The following GRM7 variants were observed in gnomAD, a reference collection of about 807,000 sequenced individuals.
GRM7 encodes metabotropic glutamate receptor 7.
A neutral mutation model predicts 84.5 loss-of-function variants in GRM7; 35 were observed. The ratio of observed to expected loss-of-function variants is 0.41; its 90% CI spans 0.32 to 0.55. The LOEUF is 0.55. Ranked by LOEUF, GRM7 falls within the 20% of genes least tolerant of loss-of-function variation. The pLI is 0.19. For missense variants in GRM7, 1,003 were observed against 1,194.6 expected, an observed-to-expected ratio of 0.84 and a Z score of 2.36; for synonymous variants, 487 against 455.1, an observed-to-expected ratio of 1.07 and a Z score of -0.89.
At chr3:7,233,825 A>G (rs1187403240) in intron 2 of GRM7, among the ~76,000 whole-genome samples, 1 of 152,160 alleles carries the variant, frequency 6.6e-6, no homozygotes, top group East Asian at 1.9e-4. Flanking sequence ...TAGGCTGGAA[A>G]AGAGGACTGA....
At chr3:7,336,149 A>C (rs982699477) in intron 4 of GRM7, among the ~76,000 whole-genome samples, 23 of 152,140 alleles carry the variant, frequency 1.5e-4, no homozygotes, top group African/African-American at 5.5e-4. Context: ...TCTCAACAAA[A>C]TACTTGTGAA....
At chr3:6,969,811 C>G (rs994661580) in intron 1 of GRM7, among the ~76,000 whole-genome samples, 4 of 152,182 alleles carry the variant, frequency 2.6e-5, no homozygotes, top group African/African-American at 9.7e-5. Context: ...TACAGGGAAT[C>G]TCCATCCCCA....
chr3:7,276,467 A>T (rs1188332782), intron 2 of GRM7, among the ~76,000 whole-genome samples: 1 of 151,956 alleles, frequency 6.6e-6, no homozygotes, highest in Non-Finnish European at 1.5e-5. Context: ...GAACTCTGTA[A>T]GGTACAAATT....
At chr3:7,635,993 G>A (rs921468367) in intron 8 of GRM7, among the ~76,000 whole-genome samples, 5 of 152,106 alleles carry the variant, frequency 3.3e-5, no homozygotes, top group African/African-American at 1.2e-4. Context: ...ATCTTTACAA[G>A]CTAATTTACT....
chr3:7,274,881 G>C (rs944701773), intron 2 of GRM7, among the ~76,000 whole-genome samples: 4 of 151,926 alleles, frequency 2.6e-5, no homozygotes, highest in African/African-American at 9.7e-5. Flanking sequence ...AATATTTCTT[G>C]TGTTCCTGTT....
At chr3:7,483,602 C>A (rs1699213346) in intron 7 of GRM7, among the ~76,000 whole-genome samples, 1 of 152,088 alleles carries the variant, frequency 6.6e-6, no homozygotes, top group South Asian at 2.1e-4. Context: ...ATTAAAAGGA[C>A]AATAGAAAGC....
intron 2 of GRM7, among the ~76,000 whole-genome samples, chr3:7,181,985 CT>C (rs773452803): frequency 1.3e-5 from 2 of 152,134 alleles, no homozygotes; most frequent in African/African-American, 2.4e-5. Context: ...ATAATTAAAT[CT>C]AATTAACAAT....
rs369236116 is a variant in GRM7, at chr3:6,916,400, C to G, written c.519+54493C>G. 5.3e-5 allele frequency among the ~76,000 whole-genome samples: 8 copies of G among 152,204 alleles called. 1 individual carries two copies. Among genetic ancestry groups the G allele is most frequent in the Admixed American group, 4.6e-4 (7 of 15,272 alleles). On this transcript the variant is annotated intron_variant, in intron 1 of 9. Transcript: ENST00000357716. Reference sequence around the variant, plus strand: ...TTTCTAAGTGCTATTTGAACTGAGACCAGAGGAATGCATTAAGCAAGTAGT... The same window carrying G: ...TTTCTAAGTGCTATTTGAACTGAGAGCAGAGGAATGCATTAAGCAAGTAGT...
intron 1 of GRM7, among the ~76,000 whole-genome samples, chr3:7,128,355 A>G (rs1693472390): frequency 6.6e-6 from 1 of 151,828 alleles, no homozygotes; most frequent in Non-Finnish European, 1.5e-5. Flanking sequence ...TGAAAACCAG[A>G]CACCTAATAC....
chr3:7,146,640 GT>G lies in GRM7; in HGVS notation c.709del (p.Ser237ProfsTer18). The G allele has an allele frequency of 1.2e-6, 2 of 1,613,496 alleles. No individual in the cohort carries two copies. Among genetic ancestry groups the G allele is most frequent in the Non-Finnish European group, 1.7e-6 (2 of 1,179,824 alleles). On this transcript the variant is annotated frameshift_variant, in exon 2 of 10. Transcript: ENST00000357716. LOFTEE classifies it high-confidence loss of function. Reference sequence around the variant, plus strand: ...GAAGTTATGGAGAGAAAGGTGTGGAGTCCTTCACGCAGATTTCCAAAGAGGC... The same window carrying G: ...GAAGTTATGGAGAGAAAGGTGTGGAGCCTTCACGCAGATTTCCAAAGAGGC... The part of the protein sequence containing the change: ...EGSYGEKGVE[S>X]FTQISKEAGG...
intron 5 of GRM7, among the ~76,000 whole-genome samples, chr3:7,446,851 CT>C (rs1697538205): frequency 6.6e-6 from 1 of 152,028 alleles, no homozygotes; most frequent in South Asian, 2.1e-4. Context: ...TACATTTTAA[CT>C]AAGGCATATA....
intron 2 of GRM7, among the ~76,000 whole-genome samples, chr3:7,259,951 C>CTTTTTTTTTTTTTTTTTT (rs1559534237): frequency 6.7e-4 from 9 of 13,400 alleles, no homozygotes; most frequent in African/African-American, 2.8e-3. Context: ...TTACCAGCAT[C>CTTTTTTTTTTTTTTTTTT]TGTTTTTTTT....
chr3:7,328,152 AT>A (rs1284289409), intron 4 of GRM7, among the ~76,000 whole-genome samples: 1 of 152,296 alleles, frequency 6.6e-6, no homozygotes, highest in African/African-American at 2.4e-5. Context: ...ATTAGCAAAG[AT>A]TTTTCCCATG....
chr3:7,563,208 A>G (rs565428961), intron 7 of GRM7, among the ~76,000 whole-genome samples: 57 of 152,236 alleles, frequency 3.7e-4, no homozygotes, highest in African/African-American at 1.3e-3. Flanking sequence ...AAGGATTTCT[A>G]TTGTTCTTTT....
intron 8 of GRM7, among the ~76,000 whole-genome samples, chr3:7,620,655 T>C (rs1045790759): frequency 8.5e-5 from 13 of 152,302 alleles, no homozygotes; most frequent in Middle Eastern, 3.4e-3. Flanking sequence ...ATTTCCAAAA[T>C]GACTTTTATA....
intron 7 of GRM7, among the ~76,000 whole-genome samples, chr3:7,531,458 T>C (rs1340837639): frequency 2.0e-5 from 3 of 152,170 alleles, no homozygotes; most frequent in Admixed American, 2.0e-4. Flanking sequence ...GGAATGTTTT[T>C]CCATTTGTTT....
chr3:7,732,074 C>A (rs145801515), intron 9 of GRM7, among the ~76,000 whole-genome samples: 1 of 151,976 alleles, frequency 6.6e-6, no homozygotes, highest in Non-Finnish European at 1.5e-5. Flanking sequence ...GAGACAGAGT[C>A]TCGCTTTGTC....
Position 7,292,280 on chromosome 3 carries a change from T to C in GRM7, c.737-6404T>C, listed in dbSNP as rs1309094547. On this transcript the variant is annotated intron_variant, in intron 2 of 9. Transcript: ENST00000357716. ...CTCATTTGAAATTGAATTTCTTTTA[T>C]AAAACCTTTGATGATTCCTCTAACA... is the stretch of plus-strand genomic sequence containing the variant. Among the ~76,000 whole-genome samples the C allele has an allele frequency of 2.6e-5, 4 of 152,222 alleles. No homozygotes were observed. The East Asian group carries it at 5.8e-4, about 22-fold the overall frequency.
intron 9 of GRM7, among the ~76,000 whole-genome samples, chr3:7,725,754 C>T (rs532094461): frequency 1.3e-5 from 2 of 152,294 alleles, no homozygotes; most frequent in Non-Finnish European, 2.9e-5. Flanking sequence ...TAGTCCATTA[C>T]CTGGCTGGGG....
Sources: allele counts gnomAD v4.1 joint callset (sites outside exome capture counted in the v4.1 genomes callset), GRCh38; gene constraint gnomAD v4.1.1; transcripts MANE v1.5; gene names NCBI Gene and HGNC (gene_info 2026-07-23, HGNC 2026-07-21).